DENND4C: variants seen among roughly 807,000 people sequenced by gnomAD.
The protein encoded by DENND4C is DENN domain containing 4C.
A neutral mutation model predicts 203.0 loss-of-function variants in DENND4C; 108 were observed. That is an observed-to-expected ratio of 0.53 (90% CI 0.46 to 0.62). The LOEUF (loss-of-function observed/expected upper bound fraction) is 0.62. Ranked by LOEUF, DENND4C falls within the 20% of genes least tolerant of loss-of-function variation. The probability of loss-of-function intolerance (pLI) is 0.00; values close to 1 mark genes in which losing one functional copy is unlikely to be tolerated. For missense variants in DENND4C, 2,481 were observed against 2,301.2 expected, an observed-to-expected ratio of 1.08 and a Z score of -1.60; for synonymous variants, 871 against 792.4, an observed-to-expected ratio of 1.10 and a Z score of -1.67.
intron 20 of DENND4C, chr9:19,337,630 A>G (rs1457690923): frequency 1.6e-6 from 2 of 1,287,406 alleles, no homozygotes; most frequent in African/African-American, 3.0e-5. Context: ...AGCTATGGAT[A>G]CACGTGTGCA....
At chr9:19,348,028 T>C (rs1823285388) in intron 23 of DENND4C, among the ~76,000 whole-genome samples, 1 of 152,240 alleles carries the variant, frequency 6.6e-6, no homozygotes. Flanking sequence ...AGTATTTGAG[T>C]ACTTTAGTAG....
intron 9 of DENND4C, among the ~76,000 whole-genome samples, chr9:19,300,702 C>G (rs749145633): frequency 2.0e-5 from 3 of 152,166 alleles, no homozygotes; most frequent in Non-Finnish European, 4.4e-5. Context: ...GTTAATTTCT[C>G]CCTATTTTAA....
rs76692168 is a variant in DENND4C at position 19,345,859 on chromosome 9, T to C, written c.3152-62T>C. Reference sequence around the variant, plus strand: ...CATTCATAATCAGGAAAACAATAAATATTTTAATAAAAGTTAACTTGGAAA... The same window carrying C: ...CATTCATAATCAGGAAAACAATAAACATTTTAATAAAAGTTAACTTGGAAA... On this transcript the variant is annotated intron_variant, in intron 22 of 32. Coordinates refer to ENST00000434457, the MANE Select transcript of DENND4C (RefSeq NM_001330640.2). The C allele has an allele frequency of 7.7e-3, 10,565 of 1,378,174 alleles. 595 individuals carry two copies. The African/African-American group carries it at 0.13, about 16-fold the overall frequency. 85.4% of individuals were successfully genotyped at this position (1,378,174 alleles called of 1,614,324 possible). A position where few individuals can be genotyped will look rare whatever the true frequency, so the allele number is the denominator to read the frequency against.
intron 9 of DENND4C, among the ~76,000 whole-genome samples, chr9:19,302,938 G>C (rs925430796): frequency 2.6e-5 from 4 of 151,454 alleles, no homozygotes; most frequent in African/African-American, 9.7e-5. Flanking sequence ...TGTCCTAATA[G>C]AACCTGCTTT....
At chr9:19,280,359 C>G (rs1435086347) in intron 2 of DENND4C, among the ~76,000 whole-genome samples, 2 of 152,102 alleles carry the variant, frequency 1.3e-5, no homozygotes, top group Non-Finnish European at 2.9e-5. Context: ...GTTGGCCAGG[C>G]TGGTCTTGAA....
At chr9:19,322,790 C>T (rs959207609) in intron 12 of DENND4C, among the ~76,000 whole-genome samples, 1 of 151,060 alleles carries the variant, frequency 6.6e-6, no homozygotes, top group Non-Finnish European at 1.5e-5. Flanking sequence ...ATGAGCCTTC[C>T]CTCTCTGCTC....
intron 30 of DENND4C, among the ~76,000 whole-genome samples, chr9:19,363,819 T>G (rs2132255745): frequency 6.6e-6 from 1 of 152,182 alleles, no homozygotes; most frequent in East Asian, 1.9e-4. Context: ...AAGACCAGCC[T>G]AGCCAATATG....
intron 9 of DENND4C, 26 bp downstream of exon 9, chr9:19,300,357 A>G (rs749185897): frequency 1.4e-6 from 2 of 1,480,814 alleles, no homozygotes; most frequent in African/African-American, 1.4e-5. Context: ...TCCTTTTAGT[A>G]CAAAATTACT....
intron 20 of DENND4C, among the ~76,000 whole-genome samples, chr9:19,338,320 A>G (rs909620516): frequency 6.6e-5 from 10 of 152,190 alleles, no homozygotes; most frequent in East Asian, 3.8e-4. Context: ...AGTAATAGTA[A>G]TACATAAACA....
intron 10 of DENND4C, among the ~76,000 whole-genome samples, chr9:19,313,915 A>G (rs34150222): frequency 0.064 from 9,697 of 152,246 alleles, 468 homozygotes; most frequent in South Asian, 0.17. Context: ...GACACAAGGC[A>G]TAAGAATGAT....
chr9:19,253,604 C>T lies in DENND4C; in HGVS notation c.-17-22554C>T, dbSNP rs372166440. Among the ~76,000 whole-genome samples the T allele has an allele frequency of 7.9e-5, 12 of 152,242 alleles. No individual in the cohort carries two copies. In the East Asian group the frequency reaches 1.9e-3, roughly 24 times the overall value. On this transcript the variant is annotated intron_variant, in intron 1 of 32. Coordinates refer to ENST00000434457, the MANE Select transcript of DENND4C (RefSeq NM_001330640.2). ...AAACTGTACTTTCTTTGTGGTTTAACAAAGTTCATCATTCATTTTGCATGG... is the reference window on the plus strand; with the variant it reads ...AAACTGTACTTTCTTTGTGGTTTAATAAAGTTCATCATTCATTTTGCATGG...
chr9:19,260,406 T>TGTTATGTTAC (rs1327247069), intron 1 of DENND4C, among the ~76,000 whole-genome samples: 1 of 149,816 alleles, frequency 6.7e-6, no homozygotes, highest in South Asian at 2.1e-4. Flanking sequence ...TGTTATGTTA[T>TGTTATGTTAC]GTTATTTTTG....
At chr9:19,295,969 C>G in intron 5 of DENND4C, 39 bp from the exon 6 acceptor site, 3 of 1,463,942 alleles carry the variant, frequency 2.0e-6, no homozygotes, top group Non-Finnish European at 2.8e-6. Flanking sequence ...TTTTTTCAAA[C>G]AAACTCAAAT....
At chr9:19,297,855 G>A (rs1837775472) in intron 6 of DENND4C, among the ~76,000 whole-genome samples, 1 of 152,004 alleles carries the variant, frequency 6.6e-6, no homozygotes, top group East Asian at 1.9e-4. Flanking sequence ...CTTTAAGTCA[G>A]GAAATACATT....
In DENND4C at chr9:19,357,086, C is replaced by A. The variant is rs1369853893; in HGVS notation, c.4896C>A (p.Ile1632=). ...CCAGTTTAGCAGAACCTGACTTGAT[C>A]AACTTTATGGACTTCCCAAAACATA... ...PVSSLAEPDL[I]NFMDFPKHNQ... is the part of the protein sequence containing the mutation. The change falls in exon 27 of 33, where the codon ATC becomes ATA. Residue 1632 remains isoleucine, a synonymous_variant. Coordinates refer to ENST00000434457, the MANE Select transcript of DENND4C (RefSeq NM_001330640.2). 6.2e-7 allele frequency: 1 copy of A among 1,613,856 alleles called. No homozygotes were observed. Among genetic ancestry groups the A allele is most frequent in the African/African-American group, 1.3e-5 (1 of 75,004 alleles).
intron 24 of DENND4C, among the ~76,000 whole-genome samples, chr9:19,351,106 A>C (rs572398172): frequency 5.4e-4 from 82 of 152,162 alleles, no homozygotes; most frequent in Non-Finnish European, 1.0e-3. Context: ...CTCCCCGCTC[A>C]ATAAGCCCCA....
chr9:19,344,386 A>G (rs1016616150), intron 22 of DENND4C, among the ~76,000 whole-genome samples: 3 of 152,206 alleles, frequency 2.0e-5, no homozygotes, highest in African/African-American at 7.2e-5. Context: ...AATCCCAGCA[A>G]TTTGGCAGGC....
At chr9:19,290,664 A>T in intron 4 of DENND4C, 40 bp from the exon 5 acceptor site, 1 of 1,302,814 alleles carries the variant, frequency 7.7e-7, no homozygotes, top group Non-Finnish European at 1.0e-6. Flanking sequence ...ATGGAAAAGT[A>T]ACTATTTAAA....
At chr9:19,348,150 GT>G (rs1823317378) in intron 23 of DENND4C, among the ~76,000 whole-genome samples, 2 of 152,140 alleles carry the variant, frequency 1.3e-5, no homozygotes. Flanking sequence ...ATAGGTATTT[GT>G]TTAATTTTCA....
Sources: gnomAD v4.1 joint callset for allele counts (sites outside exome capture counted in the v4.1 genomes callset) on GRCh38, gnomAD v4.1.1 for gene constraint, MANE v1.5 for transcripts, NCBI Gene and HGNC (gene_info 2026-07-23, HGNC 2026-07-21) for gene names.